NTNG1: variants seen among roughly 807,000 people sequenced by gnomAD.
The protein encoded by NTNG1 is netrin-G1.
NTNG1 carries 16 observed loss-of-function variants against 54.0 expected under a neutral mutation model. The observed-to-expected ratio is 0.30, with a 90% CI of 0.20 to 0.45. NTNG1 has a LOEUF of 0.45. Ranked by LOEUF, NTNG1 falls within the 20% of genes least tolerant of loss-of-function variation. NTNG1 has a pLI of 1.00. For synonymous variants in NTNG1, 255 were observed against 263.1 expected, an observed-to-expected ratio of 0.97 and a Z score of 0.30; for missense variants, 530 against 678.7, an observed-to-expected ratio of 0.78 and a Z score of 2.43.
At chr1:107,163,855 A>G (rs988758118) in intron 2 of NTNG1, among the ~76,000 whole-genome samples, 5 of 152,226 alleles carry the variant, frequency 3.3e-5, no homozygotes, top group Non-Finnish European at 7.3e-5. Flanking sequence ...AATAGGCTCA[A>G]TATGTTGGCT....
chr1:107,397,072 G>T (rs546435853), intron 4 of NTNG1, among the ~76,000 whole-genome samples: 8 of 152,076 alleles, frequency 5.3e-5, no homozygotes, highest in Non-Finnish European at 1.0e-4. Context: ...CTCCTACCCC[G>T]AATCCTTTGC....
At chr1:107,455,252 C>T (rs189381190) in intron 7 of NTNG1, among the ~76,000 whole-genome samples, 176 of 152,198 alleles carry the variant, frequency 1.2e-3, no homozygotes, top group East Asian at 9.3e-3. Context: ...TTAGTGGAGA[C>T]GGGGTTTCAC....
chr1:107,472,687 G>T (rs544227817), intron 7 of NTNG1, among the ~76,000 whole-genome samples: 7 of 152,202 alleles, frequency 4.6e-5, no homozygotes, highest in Admixed American at 2.0e-4. Flanking sequence ...CTCATGGCCA[G>T]ACCAGACCAG....
At position 107,424,816 on chromosome 1, in the gene NTNG1, T is replaced by C. The variant is rs181465932; in HGVS notation, c.1088-5934T>C. On this transcript the variant is annotated intron_variant, in intron 5 of 7. Transcript: ENST00000370068. Reference sequence around the variant, plus strand: ...CTCTGAAGGGAGTCTCACTAATTAATTGGGGAGTCAGTCCACCCTGGAAAT... The same window carrying C: ...CTCTGAAGGGAGTCTCACTAATTAACTGGGGAGTCAGTCCACCCTGGAAAT... 3.2e-3 allele frequency among the ~76,000 whole-genome samples: 486 copies of C among 152,134 alleles called. 1 individual carries two copies. The highest frequency in any genetic ancestry group is 0.011 in the African/African-American group (456 of 41,532).
chr1:107,444,655 T>C (rs1676199354), intron 7 of NTNG1, among the ~76,000 whole-genome samples: 2 of 152,052 alleles, frequency 1.3e-5, no homozygotes, highest in South Asian at 2.1e-4. Context: ...CCCCTTTATT[T>C]AAAGAGAATA....
chr1:107,319,541 C>T (rs1224671542), intron 2 of NTNG1, among the ~76,000 whole-genome samples: 1 of 152,092 alleles, frequency 6.6e-6, no homozygotes, highest in Non-Finnish European at 1.5e-5. Context: ...AGTGCCATTC[C>T]AGAATGCTGC....
intron 7 of NTNG1, among the ~76,000 whole-genome samples, chr1:107,478,538 T>A (rs1413822381): frequency 6.6e-6 from 1 of 151,562 alleles, no homozygotes; most frequent in Non-Finnish European, 1.5e-5. Flanking sequence ...GAAAAATAGC[T>A]TTTTTTTTCT....
chr1:107,282,782 G>C (rs1557867652), intron 2 of NTNG1, among the ~76,000 whole-genome samples: 1 of 152,136 alleles, frequency 6.6e-6, no homozygotes, highest in African/African-American at 2.4e-5. Context: ...GTCTTAGACT[G>C]TTCAGGCTGC....
chr1:107,299,136 G>A (rs1303500441), intron 2 of NTNG1, among the ~76,000 whole-genome samples: 1 of 152,126 alleles, frequency 6.6e-6, no homozygotes, highest in Non-Finnish European at 1.5e-5. Context: ...CATTCCTAAT[G>A]CTCCTGATTG....
At chr1:107,439,196 C>T (rs1368787131) in intron 7 of NTNG1, among the ~76,000 whole-genome samples, 2 of 152,012 alleles carry the variant, frequency 1.3e-5, no homozygotes, top group African/African-American at 4.8e-5. Context: ...TGTAGTTAAG[C>T]ACTAAAGGAT....
At chr1:107,477,795 G>T (rs1256087334) in intron 7 of NTNG1, among the ~76,000 whole-genome samples, 1 of 152,052 alleles carries the variant, frequency 6.6e-6, no homozygotes, top group Non-Finnish European at 1.5e-5. Context: ...GCCAAACCAG[G>T]TACTCCTTTA....
In NTNG1 at chr1:107,329,198, T is replaced by C. The variant is rs140376799; in HGVS notation, c.887+4276T>C. ...AGAAGTTTCACTTCGACAAAACTTT[T>C]TGGTGCCATCTTCACTTCATGGCTG... On this transcript the variant is annotated intron_variant, in intron 3 of 7. Coordinates refer to ENST00000370068, the MANE Select transcript of NTNG1 (RefSeq NM_001113226.3). Among the ~76,000 whole-genome samples the C allele has an allele frequency of 4.1e-4, 62 of 152,266 alleles. 1 individual carries two copies. In the East Asian group the frequency reaches 9.9e-3, roughly 24 times the overall value.
intron 2 of NTNG1, among the ~76,000 whole-genome samples, chr1:107,213,314 T>C (rs921479477): frequency 6.6e-6 from 1 of 152,130 alleles, no homozygotes; most frequent in Non-Finnish European, 1.5e-5. Context: ...CTAAAGAGAC[T>C]GTCACAAGAA....
intron 2 of NTNG1, among the ~76,000 whole-genome samples, chr1:107,185,093 C>T (rs897116747): frequency 6.6e-6 from 1 of 152,194 alleles, no homozygotes; most frequent in African/African-American, 2.4e-5. Context: ...CCTGGGCTTC[C>T]TCACTGTGTG....
At position 107,482,557 on chromosome 1, in the gene NTNG1, T is replaced by C. The variant is rs1219035478; in HGVS notation, c.*1717T>C. ...CCCAGCACACTGTTGTCCTACAGATTACAAGTGTATTAGCAGCAGCATCTC... is the reference window on the plus strand; with the variant it reads ...CCCAGCACACTGTTGTCCTACAGATCACAAGTGTATTAGCAGCAGCATCTC... On this transcript the variant is annotated 3_prime_UTR_variant, in exon 8 of 8. Coordinates refer to ENST00000370068, the MANE Select transcript of NTNG1 (RefSeq NM_001113226.3). 1.3e-5 allele frequency: 2 copies of C among 152,208 alleles called. No individual in the cohort carries two copies. The highest frequency in any genetic ancestry group is 4.8e-5 in the African/African-American group (2 of 41,444). 9.4% of individuals were successfully genotyped at this position (152,208 alleles called of 1,614,324 possible).
intron 2 of NTNG1, among the ~76,000 whole-genome samples, chr1:107,281,374 A>T (rs1664850226): frequency 6.6e-6 from 1 of 152,128 alleles, no homozygotes; most frequent in Admixed American, 6.6e-5. Flanking sequence ...CAGAAAAATA[A>T]TATGATTAGT....
At chr1:107,434,490 T>C (rs1675478362) in intron 6 of NTNG1, among the ~76,000 whole-genome samples, 1 of 152,210 alleles carries the variant, frequency 6.6e-6, no homozygotes, top group Non-Finnish European at 1.5e-5. Flanking sequence ...GGATATATGG[T>C]TTGTGACCCT....
chr1:107,481,720 C>A lies in NTNG1; in HGVS notation c.*880C>A, dbSNP rs1484769660. On this transcript the variant is annotated 3_prime_UTR_variant, in exon 8 of 8. Coordinates refer to ENST00000370068, the MANE Select transcript of NTNG1 (RefSeq NM_001113226.3). ...TGCAGAGATTTCTCTGTAAGGGCAA[C>A]GAACGTGCTGGCATCAAAGAATATC... 6.6e-6 allele frequency: 1 copy of A among 152,536 alleles called. No homozygotes were observed. The highest frequency in any genetic ancestry group is 2.4e-5 in the African/African-American group (1 of 41,404). 9.4% of individuals were successfully genotyped at this position (152,536 alleles called of 1,614,324 possible). A position where few individuals can be genotyped will look rare whatever the true frequency, so the allele number is the denominator to read the frequency against.
At chr1:107,181,338 T>A (rs1657045735) in intron 2 of NTNG1, among the ~76,000 whole-genome samples, 1 of 152,160 alleles carries the variant, frequency 6.6e-6, no homozygotes, top group Admixed American at 6.5e-5. Flanking sequence ...TTGGTTCACA[T>A]CTATCAGTTA....
Sources: allele counts gnomAD v4.1 joint callset (sites outside exome capture counted in the v4.1 genomes callset), GRCh38; gene constraint gnomAD v4.1.1; transcripts MANE v1.5; gene names NCBI Gene and HGNC (gene_info 2026-07-23, HGNC 2026-07-21).